Variants in DUOX2 observed in about 807,000 individuals in gnomAD.
The protein encoded by DUOX2 is dual oxidase 2.
In DUOX2, 185 loss-of-function variants were observed where a neutral mutation model predicts 183.3. That is an observed-to-expected ratio of 1.01 (90% confidence interval 0.90 to 1.14). The LOEUF is 1.14. Ranked by LOEUF, DUOX2 falls within the 50% of genes most tolerant of loss-of-function variation. The pLI, the probability that DUOX2 is intolerant of heterozygous loss-of-function variation, is 0.00. For synonymous variants in DUOX2, 788 were observed against 812.4 expected (o/e 0.97, Z 0.51); for missense variants, 1,999 against 2,022.9 (o/e 0.99, Z 0.23).
rs756822740 is a variant in DUOX2, at chr15:45,099,838, A to G, written c.3239T>C (p.Ile1080Thr). ...SDIAQTTLVGIILSRGTAASV... is the reference protein window; with the variant it reads ...SDIAQTTLVGTILSRGTAASV... The stretch of plus-strand genomic sequence containing the variant: ...GGCCGCCGTGCCTCGTGACAGGATG[A>G]TGCCCACGAGGGTGGTCTGTGCAAT... Residue 1080 changes from isoleucine (I) to threonine (T), a missense_variant, in exon 25 of 34, where the codon ATC becomes ACC. This residue lies in a region of DUOX2 where 1,628 missense variants were observed against 1,608.6 expected (regional missense o/e 1.01). Transcript: ENST00000389039. The G allele has an allele frequency of 2.9e-5, 47 of 1,614,220 alleles. 1 individual carries two copies. In the East Asian group the frequency reaches 9.8e-4, roughly 34 times the overall value.
chr15:45,099,841 C>T lies in DUOX2; in HGVS notation c.3236G>A (p.Gly1079Asp), dbSNP rs765882486. 2.5e-6 allele frequency: 4 copies of T among 1,614,088 alleles called. No homozygotes were observed. Among genetic ancestry groups the T allele is most frequent in the Non-Finnish European group, 3.4e-6 (4 of 1,180,050 alleles). The change falls in exon 25 of 34, where the codon GGC (glycine) becomes GAC (aspartate). Residue 1079 changes from glycine to aspartate, a missense_variant. Gly to Asp is a moderately conservative substitution (Grantham distance 94, BLOSUM62 -1). Coordinates refer to ENST00000389039, the MANE Select transcript of DUOX2 (RefSeq NM_001363711.2). ...CGCCGTGCCTCGTGACAGGATGATG[C>T]CCACGAGGGTGGTCTGTGCAATGTC... ...PSDIAQTTLV[G>D]IILSRGTAAS...
chr15:45,111,596 C>G lies in DUOX2; in HGVS notation c.514-11G>C. On this transcript the variant is annotated splice_polypyrimidine_tract_variant and intron_variant, in intron 5 of 33. Coordinates refer to ENST00000389039, the MANE Select transcript of DUOX2 (RefSeq NM_001363711.2). ...CGTCACCTGGTTGGCCTGCGGGGCA[C>G]GCGGCGGGTGAGCCCGGGTCGAGAG... 2 of 1,528,606 alleles carry G rather than the reference C, an allele frequency of 1.3e-6. No homozygotes were observed. The highest frequency in any genetic ancestry group is 2.4e-5 in the South Asian group (2 of 82,792). 94.7% of individuals were successfully genotyped at this position (1,528,606 alleles called of 1,614,324 possible). A position where few individuals can be genotyped will look rare whatever the true frequency, so the allele number is the denominator to read the frequency against.
chr15:45,102,026 A>G lies in DUOX2; in HGVS notation c.2655-37T>C, dbSNP rs774646550. 13 of 1,611,616 alleles carry G rather than the reference A, an allele frequency of 8.1e-6. No individual in the cohort carries two copies. In the South Asian group the frequency reaches 8.8e-5, roughly 11 times the overall value. On this transcript the variant is annotated intron_variant, in intron 20 of 33. Transcript: ENST00000389039. Reference sequence around the variant, plus strand: ...CCAGAGACACAGCAGCCTGTCACCCAGCAAGGTCAGGCTTGGGTAGGTGCA... The same window carrying G: ...CCAGAGACACAGCAGCCTGTCACCCGGCAAGGTCAGGCTTGGGTAGGTGCA...
chr15:45,101,260 A>G lies in DUOX2; in HGVS notation c.2866T>C (p.Phe956Leu), dbSNP rs1894074680. 6.2e-6 allele frequency: 10 copies of G among 1,613,504 alleles called. No individual in the cohort carries two copies. Among genetic ancestry groups the G allele is most frequent in the Non-Finnish European group, 8.5e-6 (10 of 1,179,790 alleles). ...ACTCGACAGCTGATGTTTTGTTTAA[A>G]GATATCTCTAATACCTAGAGAAAAG... ...GGGGNGIRDIFKQNISCRVSF... is the reference protein window; with the variant it reads ...GGGGNGIRDILKQNISCRVSF... The change falls in exon 22 of 34, where the codon TTT becomes CTT. Residue 956 changes from phenylalanine (F) to leucine (L), a missense_variant. Phe to Leu is a conservative substitution (Grantham distance 22). Around this residue, in one of 3 missense-constraint regions of DUOX2, gnomAD observed 1,628 missense variants for 1,608.6 expected, o/e 1.01. Transcript: ENST00000389039.
At chr15:45,108,540 C>G (rs1281035660) in intron 12 of DUOX2, 5 of 617,540 alleles carry the variant, frequency 8.1e-6, no homozygotes, top group Non-Finnish European at 1.4e-5. Context: ...ACAATGGCAC[C>G]CAACCCAGAA....
At chr15:45,097,496 C>G in intron 28 of DUOX2, 105 bp from the exon 29 acceptor site, 1 of 1,612,474 alleles carries the variant, frequency 6.2e-7, no homozygotes. Flanking sequence ...GGGCTGAGGT[C>G]TGGGGTCTTA....
At chr15:45,107,104 C>T in intron 14 of DUOX2, 135 bp from the exon 15 acceptor site, 2 of 1,350,128 alleles carry the variant, frequency 1.5e-6, no homozygotes, top group Admixed American at 3.9e-5. Context: ...CTGTCTCCCT[C>T]AAAAAGTCCC....
intron 23 of DUOX2, 99 bp downstream of exon 23, chr15:45,100,656 G>A: frequency 9.9e-7 from 1 of 1,005,096 alleles, no homozygotes; most frequent in Non-Finnish European, 1.6e-6. Context: ...ATGAGACTCA[G>A]GATGGTCGCT....
At chr15:45,101,595 G>T in intron 21 of DUOX2, 198 bp downstream of exon 21, 1 of 679,750 alleles carries the variant, frequency 1.5e-6, no homozygotes, top group Non-Finnish European at 2.6e-6. Flanking sequence ...ATTTCAACCT[G>T]CTCCTTGACC....
rs1248620730 is a variant in DUOX2, at chr15:45,111,551, G to A, written c.548C>T (p.Ala183Val). Residue 183 changes from alanine to valine, a missense_variant, in exon 6 of 34, where the codon GCC becomes GTC. Transcript: ENST00000389039. ...NQVTGWLDGS[A>V]IYGSSHSWSD... is the part of the protein sequence containing the mutation. ...CCAGGAGTGCGAGGAGCCATAGATG[G>A]CGCTGCCGTCCAGCCAGCCCGTCAC... The A allele has an allele frequency of 1.9e-6, 3 of 1,552,132 alleles. No individual in the cohort carries two copies. Among genetic ancestry groups the A allele is most frequent in the East Asian group, 4.9e-5 (2 of 40,832 alleles).
intron 13 of DUOX2, among the ~76,000 whole-genome samples, chr15:45,107,664 T>C (rs1259104288): frequency 1.3e-5 from 2 of 151,598 alleles, no homozygotes; most frequent in African/African-American, 4.8e-5. Flanking sequence ...ACCAGCATAG[T>C]GAAACCCCAT....
rs79570265 is a variant in DUOX2, at chr15:45,108,252, C to T, written c.1399-30G>A. On this transcript the variant is annotated intron_variant, in intron 12 of 33. Transcript: ENST00000389039. ...GGCACCACAGGAGATAAGGGGTGAG[C>T]GTATGTTTGCTGCGGAGGGCAGCCA... is the stretch of plus-strand genomic sequence containing the variant. The T allele has an allele frequency of 4.1e-3, 6,607 of 1,612,858 alleles. 203 individuals carry two copies. The African/African-American group carries it at 0.073, about 18-fold the overall frequency.
rs533826774 is a variant in DUOX2 at position 45,094,503 on chromosome 15, G to A, written c.4524+60C>T. 73 of 1,570,580 alleles carry A rather than the reference G, an allele frequency of 4.6e-5. No homozygotes were observed. In the East Asian group the frequency reaches 1.6e-3, roughly 35 times the overall value. ...AGAACAGAGTGGCAGGGTGCTTCAGGGCCAGGATGTCCTGGCAGGAGAAGG... is the reference window on the plus strand; with the variant it reads ...AGAACAGAGTGGCAGGGTGCTTCAGAGCCAGGATGTCCTGGCAGGAGAAGG... On this transcript the variant is annotated intron_variant, in intron 33 of 33. Coordinates refer to ENST00000389039, the MANE Select transcript of DUOX2 (RefSeq NM_001363711.2).
Position 45,108,186 on chromosome 15 carries a change from G to A in DUOX2, c.1435C>T (p.Leu479=). 6.2e-7 allele frequency: 1 copy of A among 1,614,194 alleles called. No individual in the cohort carries two copies. Among genetic ancestry groups the A allele is most frequent in the South Asian group, 1.1e-5 (1 of 91,082 alleles). ...EATAALYNQD[L]SQLELLLGGL... ...CCAAGGAGCAGCTCTAGCTGGGATAGGTCCTGGTTGTACAGGGCAGCTGTG... is the reference window on the plus strand; with the variant it reads ...CCAAGGAGCAGCTCTAGCTGGGATAAGTCCTGGTTGTACAGGGCAGCTGTG... Residue 479 remains leucine (L), a synonymous_variant, in exon 13 of 34, where the codon CTA becomes TTA. Transcript: ENST00000389039.
In DUOX2 at chr15:45,094,286, G is replaced by GGA. The variant is rs369446989; in HGVS notation, c.4525-16_4525-15dup. The GGA allele has an allele frequency of 6.2e-7, 1 of 1,614,052 alleles. No individual in the cohort carries two copies. The highest frequency in any genetic ancestry group is 8.5e-7 in the Non-Finnish European group (1 of 1,179,992). On this transcript the variant is annotated splice_polypyrimidine_tract_variant and intron_variant, in intron 33 of 33. Transcript: ENST00000389039. ...GATCTTGCGCACCTGTCAGGAGATT[G>GGA]GAGAGAGAGAGGGGCCTGCAGCCTA... is the stretch of plus-strand genomic sequence containing the variant.
In DUOX2 at chr15:45,094,067, G is replaced by A; in HGVS notation, c.*83C>T. ...CTGAGGCCTAAGGTGGATTCTGATG[G>A]AGAGATTGCCAGCAGGGCTGGGCAA... is the stretch of plus-strand genomic sequence containing the variant. On this transcript the variant is annotated 3_prime_UTR_variant, in exon 34 of 34. Coordinates refer to ENST00000389039, the MANE Select transcript of DUOX2 (RefSeq NM_001363711.2). The A allele has an allele frequency of 6.3e-7, 1 of 1,598,758 alleles. No homozygotes were observed. The highest frequency in any genetic ancestry group is 8.6e-7 in the Non-Finnish European group (1 of 1,166,878).
chr15:45,101,081 C>G, intron 22 of DUOX2, 124 bp downstream of exon 22: 1 of 885,164 alleles, frequency 1.1e-6, no homozygotes, highest in Non-Finnish European at 1.8e-6. Flanking sequence ...TTTGTGCTAC[C>G]ATGAGCTACT....
intron 26 of DUOX2, chr15:45,099,161 C>T (rs1893987082): frequency 2.3e-6 from 1 of 432,920 alleles, no homozygotes; most frequent in South Asian, 2.0e-5. Flanking sequence ...CAGGCGCCCA[C>T]CACCACGCCC....
Position 45,094,160 on chromosome 15 carries a change from T to C in DUOX2, c.4637A>G (p.Glu1546Gly), listed in dbSNP as rs201229193. 6.4e-4 allele frequency: 1,037 copies of C among 1,613,982 alleles called. 1 individual carries two copies. The highest frequency in any genetic ancestry group is 6.8e-4 in the Non-Finnish European group (798 of 1,180,026). ...QDRAHFMHHY[E>G]NF ...CCAGGGAGGACAGGCTCAGAAGTTC[T>C]CATAGTGGTGCATGAAGTGGGCTCG... The change falls in exon 34 of 34, where the codon GAG becomes GGG. Residue 1546 changes from glutamate (E) to glycine (G), a missense_variant. Coordinates refer to ENST00000389039, the MANE Select transcript of DUOX2 (RefSeq NM_001363711.2).
Sources: allele counts gnomAD v4.1 joint callset (sites outside exome capture counted in the v4.1 genomes callset), GRCh38; gene constraint gnomAD v4.1.1; regional missense constraint gnomAD v4.1.1; transcripts MANE v1.5; gene names NCBI Gene and HGNC (gene_info 2026-07-23, HGNC 2026-07-21).